Variants in KANSL1 observed in about 807,000 individuals in gnomAD.
The protein encoded by KANSL1 is MLL1/MLL complex subunit KANSL1.
Under a neutral mutation model 103.6 loss-of-function variants are expected in KANSL1, and 22 were observed. The observed-to-expected ratio is 0.21, with a 90% confidence interval of 0.15 to 0.30. The LOEUF (loss-of-function observed/expected upper bound fraction) is 0.30. Ranked by LOEUF, KANSL1 falls within the 10% of genes least tolerant of loss-of-function variation. The pLI, the probability that KANSL1 is intolerant of heterozygous loss-of-function variation, is 1.00. For synonymous variants in KANSL1, 600 were observed against 527.6 expected, an observed-to-expected ratio of 1.14 and a Z score of -1.88; for missense variants, 1,337 against 1,399.8, an observed-to-expected ratio of 0.96 and a Z score of 0.72.
intron 2 of KANSL1, among the ~76,000 whole-genome samples, chr17:46,162,607 AC>A (rs1338084909): frequency 1.3e-5 from 2 of 152,028 alleles, no homozygotes; most frequent in Non-Finnish European, 2.9e-5. Flanking sequence ...AGCCCTCATC[AC>A]CCCTACTTCC....
intron 1 of KANSL1, among the ~76,000 whole-genome samples, chr17:46,188,279 T>C (rs2047126464): frequency 6.6e-6 from 1 of 152,246 alleles, no homozygotes; most frequent in Non-Finnish European, 1.5e-5. Context: ...AGCCATAGTG[T>C]GGTTCAACTG....
intron 2 of KANSL1, among the ~76,000 whole-genome samples, chr17:46,111,093 T>C (rs1034311106): frequency 2.6e-5 from 4 of 152,242 alleles, no homozygotes; most frequent in Admixed American, 2.6e-4. Context: ...GGAGCAGTTA[T>C]TTTACGTCTG....
At chr17:46,133,169 G>A (rs1567712239) in intron 2 of KANSL1, among the ~76,000 whole-genome samples, 1 of 152,082 alleles carries the variant, frequency 6.6e-6, no homozygotes, top group African/African-American at 2.4e-5. Context: ...TGTCAAAGGC[G>A]GCTCAATTTT....
Position 46,032,035 on chromosome 17 carries a change from T to C in KANSL1, c.3090+12A>G, listed in dbSNP as rs974482953. ...AACCATGCCAACCCCACCCAAAGGC[T>C]GCGTCCCTTACCTGTTCATCCAGCC... On this transcript the variant is annotated intron_variant, in intron 14 of 14. Transcript: ENST00000432791. The C allele has an allele frequency of 2.9e-5, 46 of 1,613,918 alleles. No individual in the cohort carries two copies. Among genetic ancestry groups the C allele is most frequent in the Non-Finnish European group, 3.8e-5 (45 of 1,180,028 alleles).
intron 2 of KANSL1, among the ~76,000 whole-genome samples, chr17:46,154,559 G>A (rs1203467299): frequency 6.6e-6 from 1 of 152,198 alleles, no homozygotes; most frequent in Non-Finnish European, 1.5e-5. Context: ...TGGGATTACA[G>A]GCCTAAGCCA....
chr17:46,072,995 A>G (rs1175376989), intron 4 of KANSL1, among the ~76,000 whole-genome samples: 2 of 152,362 alleles, frequency 1.3e-5, no homozygotes, highest in Non-Finnish European at 2.9e-5. Flanking sequence ...TTATTATAAA[A>G]GACCTAACTT....
Position 46,172,135 on chromosome 17 carries a change from C to G in KANSL1, c.9G>C (p.Ala3=). 6.2e-7 allele frequency: 1 copy of G among 1,603,962 alleles called. No individual in the cohort carries two copies. The highest frequency in any genetic ancestry group is 8.5e-7 in the Non-Finnish European group (1 of 1,179,916). The change falls in exon 2 of 15, where the codon GCG becomes GCC. Residue 3 remains alanine (A), a synonymous_variant. Transcript: ENST00000432791. MA[A]MAPALTDAAA... ...CTGCGTCAGTGAGAGCGGGCGCCAT[C>G]GCAGCCATTCAGCACAGAGAGACAG... is the stretch of plus-strand genomic sequence containing the variant.
At chr17:46,123,553 CG>C (rs748841419) in intron 2 of KANSL1, among the ~76,000 whole-genome samples, 2 of 152,162 alleles carry the variant, frequency 1.3e-5, no homozygotes, top group Non-Finnish European at 2.9e-5. Context: ...ACACACAAAT[CG>C]TAAGCAAGAG....
chr17:46,064,820 C>G (rs1052373197), intron 6 of KANSL1, among the ~76,000 whole-genome samples: 3 of 151,968 alleles, frequency 2.0e-5, no homozygotes, highest in African/African-American at 7.3e-5. Context: ...TCTGAGCTCT[C>G]CAGCACTCTC....
chr17:46,067,123 G>A lies in KANSL1; in HGVS notation c.1653-391C>T, dbSNP rs550529118. Among the ~76,000 whole-genome samples the A allele has an allele frequency of 3.9e-5, 6 of 152,260 alleles. No homozygotes were observed. The South Asian group carries it at 6.2e-4, about 16-fold the overall frequency. Reference sequence around the variant, plus strand: ...CCTTAGAATCAGTTCTATGAAACCCGAATTTTAAGGGTGTTGTACACATCA... The same window carrying A: ...CCTTAGAATCAGTTCTATGAAACCCAAATTTTAAGGGTGTTGTACACATCA... On this transcript the variant is annotated intron_variant, in intron 5 of 14. Coordinates refer to ENST00000432791, the MANE Select transcript of KANSL1 (RefSeq NM_015443.4).
At chr17:46,197,333 T>C (rs1201359131), upstream of KANSL1, among the ~76,000 whole-genome samples, 3 of 152,190 alleles carry the variant, frequency 2.0e-5, no homozygotes, top group African/African-American at 4.8e-5. Flanking sequence ...ACTGTTATCG[T>C]CTACTCACTT....
At chr17:46,047,206 G>T (rs1003824011) in intron 7 of KANSL1, among the ~76,000 whole-genome samples, 1 of 152,180 alleles carries the variant, frequency 6.6e-6, no homozygotes, top group Non-Finnish European at 1.5e-5. Flanking sequence ...GTATCTACTG[G>T]ATTTAGGTGG....
intron 6 of KANSL1, among the ~76,000 whole-genome samples, chr17:46,053,254 G>A (rs964033958): frequency 2.0e-5 from 3 of 151,742 alleles, no homozygotes; most frequent in African/African-American, 7.3e-5. Flanking sequence ...CTGCACTCCA[G>A]CCTGGGGAAC....
chr17:46,132,821 T>C (rs1168507982), intron 2 of KANSL1, among the ~76,000 whole-genome samples: 5 of 152,190 alleles, frequency 3.3e-5, no homozygotes, highest in Non-Finnish European at 7.4e-5. Context: ...CATGTGCCTA[T>C]AGTCCTAGCT....
chr17:46,032,012 C>A (rs772500977), intron 14 of KANSL1, 35 bp downstream of exon 14: 1 of 1,613,118 alleles, frequency 6.2e-7, no homozygotes, highest in Admixed American at 1.7e-5. Flanking sequence ...CATCCCCCAA[C>A]CATGCCAACC....
At chr17:46,056,199 A>G (rs1215505826) in intron 6 of KANSL1, among the ~76,000 whole-genome samples, 3 of 152,220 alleles carry the variant, frequency 2.0e-5, no homozygotes, top group African/African-American at 7.2e-5. Context: ...GGGTTTCGCC[A>G]TGCTGGCAAG....
chr17:46,214,145 C>T (rs1164016160), intron 1 of KANSL1, among the ~76,000 whole-genome samples: 1 of 152,218 alleles, frequency 6.6e-6, no homozygotes, highest in Non-Finnish European at 1.5e-5. Context: ...TGCCCTTTAG[C>T]ATTCAAAGAA....
intron 2 of KANSL1, among the ~76,000 whole-genome samples, chr17:46,096,447 A>G (rs1179472937): frequency 6.6e-6 from 1 of 150,448 alleles, no homozygotes; most frequent in Non-Finnish European, 1.5e-5. Flanking sequence ...CAGCCTCCCG[A>G]GCAGCTGGGA....
At chr17:46,096,311 C>CTTTTTTTTCT (rs2042069609) in intron 2 of KANSL1, among the ~76,000 whole-genome samples, 1 of 76,408 alleles carries the variant, frequency 1.3e-5, no homozygotes, top group African/African-American at 5.6e-5. Context: ...GCTTTTTTTT[C>CTTTTTTTTCT]TTTTTTTTTT....
Sources: gnomAD v4.1 joint callset for allele counts (sites outside exome capture counted in the v4.1 genomes callset) on GRCh38, gnomAD v4.1.1 for gene constraint, MANE v1.5 for transcripts, NCBI Gene and HGNC (gene_info 2026-07-23, HGNC 2026-07-21) for gene names.